RIPOR2: variants seen among roughly 807,000 people sequenced by gnomAD.
RIPOR2 encodes RHO family interacting cell polarization regulator 2.
RIPOR2 carries 39 observed loss-of-function variants against 114.5 expected under a neutral mutation model. The observed-to-expected ratio is 0.34, with a 90% CI of 0.26 to 0.44. The LOEUF is 0.44. Ranked by LOEUF, RIPOR2 falls within the 20% of genes least tolerant of loss-of-function variation. RIPOR2 has a pLI of 1.00. For missense variants in RIPOR2, 1,007 were observed against 1,255.1 expected, an observed-to-expected ratio of 0.80 and a Z score of 2.99; for synonymous variants, 445 against 484.4, an observed-to-expected ratio of 0.92 and a Z score of 1.07.
chr6:24,996,037 C>T (rs1581927325), intron 1 of RIPOR2, among the ~76,000 whole-genome samples: 3 of 152,124 alleles, frequency 2.0e-5, no homozygotes, highest in South Asian at 4.2e-4. Context: ...CTCCTGACCT[C>T]GTGATCCACC....
intron 1 of RIPOR2, among the ~76,000 whole-genome samples, chr6:25,032,299 G>A (rs1205770001): frequency 6.6e-6 from 1 of 151,866 alleles, no homozygotes; most frequent in Non-Finnish European, 1.5e-5. Flanking sequence ...GTGTTAGCAA[G>A]TATCTCAGAC....
intron 1 of RIPOR2, among the ~76,000 whole-genome samples, chr6:24,951,804 T>A (rs1202384271): frequency 1.3e-5 from 2 of 152,252 alleles, no homozygotes; most frequent in African/African-American, 2.4e-5. Context: ...CACAGAATAA[T>A]CAGCTTTGGC....
At chr6:24,871,374 CAG>C (rs1333115445) in intron 4 of RIPOR2, among the ~76,000 whole-genome samples, 1 of 152,174 alleles carries the variant, frequency 6.6e-6, no homozygotes, top group African/African-American at 2.4e-5. Flanking sequence ...GTTTTTGAGA[CAG>C]AGTTTCGCTC....
chr6:24,940,535 A>G (rs1772070296), upstream of RIPOR2, among the ~76,000 whole-genome samples: 1 of 152,244 alleles, frequency 6.6e-6, no homozygotes, highest in East Asian at 1.9e-4. Flanking sequence ...AAAACCACAG[A>G]GTCAGAAATA....
At chr6:24,822,811 C>T (rs541990767) in intron 19 of RIPOR2, among the ~76,000 whole-genome samples, 23 of 152,324 alleles carry the variant, frequency 1.5e-4, no homozygotes, top group African/African-American at 4.6e-4. Context: ...TGAGCCACTG[C>T]GCCCGGCCTA....
At chr6:24,899,275 A>T (rs1007949692) in intron 1 of RIPOR2, among the ~76,000 whole-genome samples, 2 of 152,156 alleles carry the variant, frequency 1.3e-5, no homozygotes, top group African/African-American at 4.8e-5. Flanking sequence ...TCAGGCTAAC[A>T]TGGGGCCCAT....
At chr6:24,897,299 C>T (rs1317056113) in intron 1 of RIPOR2, among the ~76,000 whole-genome samples, 2 of 152,272 alleles carry the variant, frequency 1.3e-5, no homozygotes, top group African/African-American at 4.8e-5. Context: ...CATCATTTGG[C>T]AGGATGAGTT....
intron 1 of RIPOR2, among the ~76,000 whole-genome samples, chr6:24,916,003 T>C (rs928891995): frequency 6.6e-6 from 1 of 152,220 alleles, no homozygotes; most frequent in Non-Finnish European, 1.5e-5. Flanking sequence ...AGTCGATGCC[T>C]GGGTTCTATT....
intron 1 of RIPOR2, among the ~76,000 whole-genome samples, chr6:24,929,025 A>G (rs1213963016): frequency 6.6e-6 from 1 of 152,202 alleles, no homozygotes; most frequent in African/African-American, 2.4e-5. Context: ...AAACCGAGAC[A>G]TGAAAAAATT....
At chr6:24,864,094 G>A (rs1437403558) in intron 7 of RIPOR2, among the ~76,000 whole-genome samples, 1 of 152,196 alleles carries the variant, frequency 6.6e-6, no homozygotes, top group African/African-American at 2.4e-5. Flanking sequence ...CTGAGATCAG[G>A]AGTTCGAGAC....
chr6:24,919,467 T>C (rs773213554), intron 1 of RIPOR2, among the ~76,000 whole-genome samples: 1 of 152,192 alleles, frequency 6.6e-6, no homozygotes, highest in African/African-American at 2.4e-5. Flanking sequence ...TAAATATCTT[T>C]TATGGAATCC....
intron 1 of RIPOR2, among the ~76,000 whole-genome samples, chr6:25,008,813 G>C (rs9393606): frequency 0.11 from 17,009 of 152,260 alleles, 1,636 homozygotes; most frequent in East Asian, 0.51. Flanking sequence ...GATGGCTCTG[G>C]AGGAGCCATT....
chr6:24,870,387 C>G (rs553858215), intron 5 of RIPOR2, among the ~76,000 whole-genome samples: 1 of 152,320 alleles, frequency 6.6e-6, no homozygotes, highest in African/African-American at 2.4e-5. Context: ...GATCACAGTA[C>G]TTGTTCATTA....
intron 1 of RIPOR2, among the ~76,000 whole-genome samples, chr6:25,009,018 A>G (rs187230136): frequency 8.5e-5 from 13 of 152,368 alleles, no homozygotes; most frequent in African/African-American, 3.1e-4. Context: ...GCTCTTGTCC[A>G]TGCTGACTGC....
At chr6:24,856,209 G>A (rs1032140173) in intron 8 of RIPOR2, among the ~76,000 whole-genome samples, 7 of 152,012 alleles carry the variant, frequency 4.6e-5, no homozygotes, top group Non-Finnish European at 1.5e-5. Context: ...CAGCTCGTCC[G>A]TGCCTTCCTG....
chr6:24,997,789 A>G (rs1455311228), intron 1 of RIPOR2, among the ~76,000 whole-genome samples: 30 of 152,216 alleles, frequency 2.0e-4, no homozygotes, highest in Admixed American at 2.0e-3. Context: ...AGTCTGAGAA[A>G]CACGCACTGG....
chr6:24,968,062 G>A (rs1773612474), intron 1 of RIPOR2, among the ~76,000 whole-genome samples: 1 of 151,886 alleles, frequency 6.6e-6, no homozygotes. Flanking sequence ...ACAGGCACGT[G>A]TCACCACACC....
chr6:25,019,617 A>G (rs1377975782), intron 1 of RIPOR2, among the ~76,000 whole-genome samples: 10 of 151,468 alleles, frequency 6.6e-5, no homozygotes, highest in African/African-American at 2.2e-4. Flanking sequence ...TACTAAAAAT[A>G]CAAAAAGTTA....
intron 1 of RIPOR2, among the ~76,000 whole-genome samples, chr6:25,006,343 G>T (rs917755508): frequency 6.6e-6 from 1 of 152,180 alleles, no homozygotes; most frequent in Admixed American, 6.5e-5. Flanking sequence ...AAAATGGCAT[G>T]GCCTCTCATG....
Sources: gnomAD v4.1 joint callset for allele counts (sites outside exome capture counted in the v4.1 genomes callset) on GRCh38, gnomAD v4.1.1 for gene constraint, MANE v1.5 for transcripts, NCBI Gene and HGNC (gene_info 2026-07-23, HGNC 2026-07-21) for gene names.